GPC5: variants seen among roughly 807,000 people sequenced by gnomAD.
GPC5 encodes the protein glypican 5.
A neutral mutation model predicts 53.9 loss-of-function variants in GPC5; 47 were observed. The observed-to-expected ratio is 0.87, with a 90% confidence interval of 0.69 to 1.11. GPC5 has a LOEUF of 1.11. Among genes scored for constraint, GPC5 ranks in the 50% most tolerant of loss-of-function variants. The probability of loss-of-function intolerance (pLI) is 0.00; values close to 1 mark genes in which losing one functional copy is unlikely to be tolerated. For synonymous variants in GPC5, 286 were observed against 263.3 expected (o/e 1.09, Z -0.84); for missense variants, 748 against 713.1 (o/e 1.05, Z -0.56).
intron 7 of GPC5, among the ~76,000 whole-genome samples, chr13:92,587,887 T>G (rs1277177581): frequency 8.6e-5 from 13 of 152,042 alleles, no homozygotes; most frequent in East Asian, 3.9e-4. Flanking sequence ...TCAGGTTTTT[T>G]GGGGTTTTTT....
intron 2 of GPC5, among the ~76,000 whole-genome samples, chr13:91,552,480 T>A (rs1038884817): frequency 6.6e-6 from 1 of 152,024 alleles, no homozygotes; most frequent in Non-Finnish European, 1.5e-5. Context: ...CCTTCAGAGC[T>A]GAGAGCCCTG....
intron 1 of GPC5, among the ~76,000 whole-genome samples, chr13:91,400,403 T>C (rs1360703537): frequency 6.6e-6 from 1 of 152,196 alleles, no homozygotes; most frequent in African/African-American, 2.4e-5. Context: ...GCTATTTCTT[T>C]GTATACCTGT....
intron 7 of GPC5, among the ~76,000 whole-genome samples, chr13:92,823,490 A>C (rs978862772): frequency 6.6e-6 from 1 of 152,130 alleles, no homozygotes; most frequent in African/African-American, 2.4e-5. Context: ...AAATGCTCCC[A>C]AAAGGATTTA....
At chr13:92,694,235 G>C (rs1260983951) in intron 7 of GPC5, among the ~76,000 whole-genome samples, 1 of 152,184 alleles carries the variant, frequency 6.6e-6, no homozygotes, top group Admixed American at 6.5e-5. Flanking sequence ...GCAATGAAGA[G>C]GAAAAATGTG....
chr13:92,335,478 T>C (rs754190740), intron 7 of GPC5, among the ~76,000 whole-genome samples: 1 of 152,126 alleles, frequency 6.6e-6, no homozygotes, highest in Non-Finnish European at 1.5e-5. Context: ...CCTGCAGACA[T>C]TTTCTCCATT....
chr13:92,699,249 T>TA (rs1183873951), intron 7 of GPC5, among the ~76,000 whole-genome samples: 1 of 152,214 alleles, frequency 6.6e-6, no homozygotes, highest in Non-Finnish European at 1.5e-5. Flanking sequence ...TGCTAGTTTT[T>TA]ATTTCTGTTG....
At chr13:92,483,870 G>A (rs1036578684) in intron 7 of GPC5, among the ~76,000 whole-genome samples, 1 of 151,336 alleles carries the variant, frequency 6.6e-6, no homozygotes, top group Non-Finnish European at 1.5e-5. Flanking sequence ...GTTCATATCT[G>A]TAATCCCAGC....
rs182315985 is a variant in GPC5, at chr13:92,866,325, T to C, written c.1605T>C (p.His535=). ...ACTTCAGTGATGTAAAGCAAATCCA[T>C]CAAACAGACACTGGCAGTACTTTAG... The part of the protein sequence containing the change: ...DMNFSDVKQI[H]QTDTGSTLDT... Residue 535 remains histidine (H), a synonymous_variant, in exon 8 of 8, where the codon CAT becomes CAC. Transcript: ENST00000377067. The C allele has an allele frequency of 1.9e-6, 3 of 1,612,884 alleles. No homozygotes were observed. In the Admixed American group the frequency reaches 5.0e-5, roughly 27 times the overall value.
chr13:92,408,626 A>G (rs568627697), intron 7 of GPC5, among the ~76,000 whole-genome samples: 1 of 118,370 alleles, frequency 8.4e-6, no homozygotes, highest in Admixed American at 9.5e-5. Flanking sequence ...ATATATATAT[A>G]TAGACACACA....
chr13:91,714,399 AG>A (rs2036290419), intron 3 of GPC5, among the ~76,000 whole-genome samples: 2 of 152,216 alleles, frequency 1.3e-5, no homozygotes, highest in African/African-American at 4.8e-5. Flanking sequence ...AGATTATGCA[AG>A]GTTCATAAGT....
chr13:91,405,151 C>G (rs1877224989), intron 1 of GPC5, among the ~76,000 whole-genome samples: 1 of 152,218 alleles, frequency 6.6e-6, no homozygotes, highest in African/African-American at 2.4e-5. Context: ...TGCCAAACTC[C>G]TACACAACTC....
At chr13:92,576,399 A>G (rs1333556357) in intron 7 of GPC5, among the ~76,000 whole-genome samples, 1 of 152,158 alleles carries the variant, frequency 6.6e-6, no homozygotes. Flanking sequence ...CAGTGTGAAG[A>G]TAATTTAAAT....
intron 2 of GPC5, among the ~76,000 whole-genome samples, chr13:91,652,098 C>G (rs1280059143): frequency 6.6e-6 from 1 of 152,174 alleles, no homozygotes; most frequent in East Asian, 1.9e-4. Context: ...CAAATAGGTT[C>G]CAAGACTCCT....
intron 2 of GPC5, among the ~76,000 whole-genome samples, chr13:91,600,818 A>G (rs1464179288): frequency 6.6e-6 from 1 of 152,186 alleles, no homozygotes; most frequent in Non-Finnish European, 1.5e-5. Flanking sequence ...GTATTACAGA[A>G]TCGATTTAAT....
chr13:92,269,256 A>C (rs1015930593), intron 7 of GPC5, among the ~76,000 whole-genome samples: 2 of 152,186 alleles, frequency 1.3e-5, no homozygotes, highest in Non-Finnish European at 2.9e-5. Flanking sequence ...ATACTTTCAT[A>C]ACTAAATTGA....
intron 7 of GPC5, among the ~76,000 whole-genome samples, chr13:92,763,164 T>C (rs1490351116): frequency 6.6e-6 from 1 of 152,188 alleles, no homozygotes; most frequent in African/African-American, 2.4e-5. Context: ...GATGATATCA[T>C]GTTCCCTTGC....
intron 1 of GPC5, among the ~76,000 whole-genome samples, chr13:91,434,140 A>G (rs1423437705): frequency 6.6e-6 from 1 of 152,138 alleles, no homozygotes; most frequent in Non-Finnish European, 1.5e-5. Context: ...ATTTTCTCCC[A>G]TTCTGTAGGT....
intron 7 of GPC5, among the ~76,000 whole-genome samples, chr13:92,625,473 G>A (rs1401960100): frequency 3.3e-5 from 5 of 152,168 alleles, no homozygotes; most frequent in Admixed American, 1.3e-4. Context: ...ACATTTTAAT[G>A]TATAGCGTGA....
At position 92,407,378 on chromosome 13, in the gene GPC5, T is replaced by C. The variant is rs1160701558; in HGVS notation, c.1561+262389T>C. Among the ~76,000 whole-genome samples the C allele has an allele frequency of 3.9e-5, 6 of 152,342 alleles. No individual in the cohort carries two copies. In the East Asian group the frequency reaches 1.2e-3, roughly 29 times the overall value. ...CTGATAAAATAGCCCATTGGTAGCC[T>C]CGACAAGATATTCTCTATATTTTTC... On this transcript the variant is annotated intron_variant, in intron 7 of 7. Transcript: ENST00000377067.
Sources: allele counts gnomAD v4.1 joint callset (sites outside exome capture counted in the v4.1 genomes callset), GRCh38; gene constraint gnomAD v4.1.1; transcripts MANE v1.5; gene names NCBI Gene and HGNC (gene_info 2026-07-23, HGNC 2026-07-21).